RAPGEF2: variants seen among roughly 807,000 people sequenced by gnomAD.
RAPGEF2 encodes the protein PDZ domain containing guanine nucleotide exchange factor (GEF) 1.
Under a neutral mutation model 186.7 loss-of-function variants are expected in RAPGEF2, and 54 were observed. The observed-to-expected ratio is 0.29, with a 90% CI of 0.23 to 0.36. The LOEUF (loss-of-function observed/expected upper bound fraction) is 0.36. Ranked by LOEUF, RAPGEF2 falls within the 10% of genes least tolerant of loss-of-function variation. RAPGEF2 has a pLI of 1.00. For missense variants in RAPGEF2, 1,532 were observed against 2,045.0 expected, an observed-to-expected ratio of 0.75 and a Z score of 4.84; for synonymous variants, 712 against 705.9, an observed-to-expected ratio of 1.01 and a Z score of -0.14.
Position 159,128,229 on chromosome 4 carries a change from T to C in RAPGEF2, c.69+23998T>C, listed in dbSNP as rs563091399. Among the ~76,000 whole-genome samples, 9 of 152,252 alleles carry C rather than the reference T, an allele frequency of 5.9e-5. No individual in the cohort carries two copies. The South Asian group carries it at 1.9e-3, about 32-fold the overall frequency. On this transcript the variant is annotated intron_variant, in intron 1 of 29. Coordinates refer to ENST00000691494, the MANE Select transcript of RAPGEF2 (RefSeq NM_001394067.2). ...ATTACTGTCAATCTAATAGTACATTTTGGGGCCTAATTCTACTGAGGAAGA... is the reference window on the plus strand; with the variant it reads ...ATTACTGTCAATCTAATAGTACATTCTGGGGCCTAATTCTACTGAGGAAGA...
chr4:159,171,998 G>A (rs1745955040), intron 1 of RAPGEF2, among the ~76,000 whole-genome samples: 1 of 151,722 alleles, frequency 6.6e-6, no homozygotes, highest in Non-Finnish European at 1.5e-5. Context: ...CTACTATCTA[G>A]TATCAATATA....
At chr4:159,292,117 T>C (rs1005886265) in intron 7 of RAPGEF2, among the ~76,000 whole-genome samples, 1 of 152,194 alleles carries the variant, frequency 6.6e-6, no homozygotes, top group African/African-American at 2.4e-5. Context: ...AATTATTGAC[T>C]CGTACATTTT....
chr4:159,209,990 G>A (rs1165244182), intron 3 of RAPGEF2, among the ~76,000 whole-genome samples: 1 of 152,208 alleles, frequency 6.6e-6, no homozygotes, highest in African/African-American at 2.4e-5. Flanking sequence ...GAAAAGAACT[G>A]TGTAGAGTGT....
Position 159,103,809 on chromosome 4 carries a change from G to C in RAPGEF2, c.-354G>C, listed in dbSNP as rs970012202. 6.5e-6 allele frequency: 1 copy of C among 153,048 alleles called. No homozygotes were observed. Among genetic ancestry groups the C allele is most frequent in the African/African-American group, 2.4e-5 (1 of 41,460 alleles). 9.5% of individuals were successfully genotyped at this position (153,048 alleles called of 1,614,324 possible). On this transcript the variant is annotated 5_prime_UTR_variant, in exon 1 of 30. Coordinates refer to ENST00000691494, the MANE Select transcript of RAPGEF2 (RefSeq NM_001394067.2). ...CCAGGAGGAGCCGCCACTGTCCCCC[G>C]AGTGGAGCCGGGGAGGCGTGTCGAG...
chr4:159,348,145 TG>T, intron 25 of RAPGEF2, among the ~76,000 whole-genome samples: 1 of 151,400 alleles, frequency 6.6e-6, no homozygotes, highest in East Asian at 2.0e-4. Context: ...CGCTTCAACC[TG>T]GGGGGTGGAA....
chr4:159,154,193 G>A (rs1743864251), intron 1 of RAPGEF2, among the ~76,000 whole-genome samples: 1 of 152,124 alleles, frequency 6.6e-6, no homozygotes, highest in Non-Finnish European at 1.5e-5. Flanking sequence ...TCACCTAGCA[G>A]TCCAAAGGAA....
intron 1 of RAPGEF2, among the ~76,000 whole-genome samples, chr4:159,115,630 G>C (rs1738962699): frequency 6.6e-6 from 1 of 151,976 alleles, no homozygotes; most frequent in African/African-American, 2.4e-5. Context: ...AAATTTATTA[G>C]GGAATATTTG....
Position 159,158,873 on chromosome 4 carries a change from AT to A in RAPGEF2, c.70-27766del, listed in dbSNP as rs1266726167. On this transcript the variant is annotated intron_variant, in intron 1 of 29. Coordinates refer to ENST00000691494, the MANE Select transcript of RAPGEF2 (RefSeq NM_001394067.2). ...AGGCCCTTACTCAAGTTTCACTCTTATTTGGGTTTTTTGGAGACTGGCTAAT... is the reference window on the plus strand; with the variant it reads ...AGGCCCTTACTCAAGTTTCACTCTTATTGGGTTTTTTGGAGACTGGCTAAT... Among the ~76,000 whole-genome samples the A allele has an allele frequency of 2.0e-5, 3 of 152,176 alleles. No homozygotes were observed. The East Asian group carries it at 5.8e-4, about 29-fold the overall frequency.
At chr4:159,194,329 G>A (rs1748405788) in intron 3 of RAPGEF2, among the ~76,000 whole-genome samples, 1 of 152,176 alleles carries the variant, frequency 6.6e-6, no homozygotes, top group Admixed American at 6.6e-5. Flanking sequence ...TTCAGAAAAC[G>A]ACTTGGATCC....
chr4:159,292,613 T>G (rs1171751919), intron 7 of RAPGEF2, among the ~76,000 whole-genome samples: 1 of 152,054 alleles, frequency 6.6e-6, no homozygotes, highest in Non-Finnish European at 1.5e-5. Context: ...TAAGTTTACT[T>G]CTATTTTTTT....
At chr4:159,294,630 CATTT>C (rs1184467311) in intron 7 of RAPGEF2, among the ~76,000 whole-genome samples, 7 of 144,600 alleles carry the variant, frequency 4.8e-5, no homozygotes, top group Admixed American at 1.4e-4. Flanking sequence ...TTTGAGCTTC[CATTT>C]CTTCCTTCCT....
At chr4:159,199,472 T>G (rs1397912260) in intron 3 of RAPGEF2, among the ~76,000 whole-genome samples, 1 of 149,668 alleles carries the variant, frequency 6.7e-6, no homozygotes, top group Non-Finnish European at 1.5e-5. Context: ...TCCCGATGGT[T>G]TTTTTTTTTC....
At chr4:159,238,762 A>G (rs1346156275) in intron 4 of RAPGEF2, 47 bp from the exon 5 acceptor site, 6 of 1,409,950 alleles carry the variant, frequency 4.3e-6, no homozygotes, top group Non-Finnish European at 5.7e-6. Context: ...CATACTACTT[A>G]AATCTCTGAG....
chr4:159,125,887 GC>G lies in RAPGEF2; in HGVS notation c.69+21657del, dbSNP rs377051138. On this transcript the variant is annotated intron_variant, in intron 1 of 29. Coordinates refer to ENST00000691494, the MANE Select transcript of RAPGEF2 (RefSeq NM_001394067.2). ...TAGATGTGAAATTACTTAGTTGAGA[GC>G]ATTTGCTTTCATCATGGTTCAGGAG... Among the ~76,000 whole-genome samples, 328 of 152,292 alleles carry G rather than the reference GC, an allele frequency of 2.2e-3. 4 individuals carry two copies. In the South Asian group the frequency reaches 0.033, roughly 15 times the overall value.
intron 1 of RAPGEF2, among the ~76,000 whole-genome samples, chr4:159,145,512 A>AT (rs1393659064): frequency 1.3e-5 from 2 of 152,080 alleles, no homozygotes; most frequent in African/African-American, 4.8e-5. Flanking sequence ...TGCCAAAAAC[A>AT]TTACCAAAAA....
intron 7 of RAPGEF2, among the ~76,000 whole-genome samples, chr4:159,248,529 A>G (rs551751026): frequency 6.6e-6 from 1 of 152,296 alleles, no homozygotes; most frequent in Admixed American, 6.5e-5. Context: ...TCCCTGTGGA[A>G]AAGTCTCTGA....
chr4:159,312,379 C>T (rs1764053033), intron 8 of RAPGEF2, among the ~76,000 whole-genome samples: 1 of 152,052 alleles, frequency 6.6e-6, no homozygotes, highest in African/African-American at 2.4e-5. Flanking sequence ...CAAGCATTAG[C>T]AAATTGTATT....
intron 1 of RAPGEF2, among the ~76,000 whole-genome samples, chr4:159,156,541 T>G (rs1744143834): frequency 6.6e-6 from 1 of 152,170 alleles, no homozygotes; most frequent in Admixed American, 6.5e-5. Context: ...TGTGCAGGTT[T>G]GATACATAGG....
Position 159,355,894 on chromosome 4 carries a change from C to CCCCCCCCCCCA in RAPGEF2, c.4695_4696insCCCCCCCCACC (p.Gly1566ProfsTer63). 1 of 1,544,938 alleles carries CCCCCCCCCCCA rather than the reference C, an allele frequency of 6.5e-7. No homozygotes were observed. Among genetic ancestry groups the CCCCCCCCCCCA allele is most frequent in the South Asian group, 1.2e-5 (1 of 84,082 alleles). ...GTATCGAGAGCCCCCGCCCACCCCTCCCGGCTACATTGGAATTCCCATTAC... is the reference window on the plus strand; with the variant it reads ...GTATCGAGAGCCCCCGCCCACCCCTCCCCCCCCCCCACCGGCTACATTGGAATTCCCATTAC... On this transcript the variant is annotated frameshift_variant, in exon 29 of 30. Coordinates refer to ENST00000691494, the MANE Select transcript of RAPGEF2 (RefSeq NM_001394067.2). LOFTEE classifies it high-confidence loss of function.
Sources: allele counts gnomAD v4.1 joint callset (sites outside exome capture counted in the v4.1 genomes callset), GRCh38; gene constraint gnomAD v4.1.1; transcripts MANE v1.5; gene names NCBI Gene and HGNC (gene_info 2026-07-23, HGNC 2026-07-21).